Variants in ENTREP2 observed in about 807,000 individuals in gnomAD.
ENTREP2 encodes the protein endosomal transmembrane epsin interactor 2, also known as protein ENTREP2.
the ENTREP2 span, among the ~76,000 whole-genome samples, chr15:29,448,075 CA>C: frequency 4.9e-4 from 70 of 144,080 alleles, no homozygotes; most frequent in Non-Finnish European, 5.2e-4. Context: ...CTCTCTGTCT[CA>C]AAAAAAAAAG....
At chr15:29,659,298 G>A in the ENTREP2 span, among the ~76,000 whole-genome samples, 127 of 152,106 alleles carry the variant, frequency 8.3e-4, no homozygotes, top group Non-Finnish European at 1.6e-3. Flanking sequence ...GTGAAACCCC[G>A]TCTCTACTGA....
chr15:29,577,349 T>TGTGTGTGTGTGA, the ENTREP2 span, among the ~76,000 whole-genome samples: 763 of 144,358 alleles, frequency 5.3e-3, 6 homozygotes, highest in African/African-American at 9.1e-3. Context: ...TGTGTGTGTG[T>TGTGTGTGTGTGA]GAGAGAGAGA....
At chr15:29,354,485 A>C in the ENTREP2 span, among the ~76,000 whole-genome samples, 1 of 152,248 alleles carries the variant, frequency 6.6e-6, no homozygotes, top group Admixed American at 6.5e-5. Context: ...GTGTACACAC[A>C]TTCACAGCTC....
chr15:29,545,877 T>C, the ENTREP2 span, among the ~76,000 whole-genome samples: 2 of 152,232 alleles, frequency 1.3e-5, no homozygotes, highest in Non-Finnish European at 2.9e-5. Context: ...CAATGTTTAA[T>C]GTTTAAGATT....
At chr15:29,663,630 G>A in the ENTREP2 span, among the ~76,000 whole-genome samples, 4 of 152,036 alleles carry the variant, frequency 2.6e-5, no homozygotes, top group South Asian at 2.1e-4. Flanking sequence ...ACCAAACACC[G>A]CATGTTCTCA....
At chr15:29,129,126 C>T in the ENTREP2 span, among the ~76,000 whole-genome samples, 13 of 152,306 alleles carry the variant, frequency 8.5e-5, no homozygotes, top group East Asian at 1.2e-3. Context: ...TGCAATGGCA[C>T]GATCTCAGCT....
the ENTREP2 span, among the ~76,000 whole-genome samples, chr15:29,472,450 C>CACACAA: frequency 6.7e-6 from 1 of 149,292 alleles, no homozygotes; most frequent in Non-Finnish European, 1.5e-5. Flanking sequence ...CACACACACA[C>CACACAA]ACACACACAC....
chr15:29,329,334 G>GCCTGGGTGA, the ENTREP2 span, among the ~76,000 whole-genome samples: 4 of 150,906 alleles, frequency 2.7e-5, no homozygotes, highest in African/African-American at 9.8e-5. Context: ...CTGCACTCCA[G>GCCTGGGTGA]CCTGGGTGAC....
the ENTREP2 span, chr15:29,269,301 C>T: frequency 6.2e-7 from 1 of 1,614,190 alleles, no homozygotes; most frequent in Non-Finnish European, 8.5e-7. Context: ...CGAAGACGTA[C>T]TGGAGGCGCT....
the ENTREP2 span, among the ~76,000 whole-genome samples, chr15:29,350,415 C>G: frequency 1.3e-5 from 2 of 152,082 alleles, no homozygotes; most frequent in Non-Finnish European, 1.5e-5. Flanking sequence ...ACTTATAACT[C>G]TTTTCAAAGA....
the ENTREP2 span, among the ~76,000 whole-genome samples, chr15:29,621,386 G>A: frequency 6.6e-6 from 1 of 151,548 alleles, no homozygotes; most frequent in East Asian, 1.9e-4. Flanking sequence ...AGCCAGGCGT[G>A]GTGGCGGGCG....
the ENTREP2 span, among the ~76,000 whole-genome samples, chr15:29,371,911 A>AATAGATAGATAGATAGATAG: frequency 3.3e-5 from 5 of 149,498 alleles, no homozygotes; most frequent in Admixed American, 6.7e-5. Flanking sequence ...AAAATAAATA[A>AATAGATAGATAGATAGATAG]ATAGATAGAT....
At chr15:29,641,797 A>G in the ENTREP2 span, among the ~76,000 whole-genome samples, 26 of 149,176 alleles carry the variant, frequency 1.7e-4, no homozygotes, top group Admixed American at 1.8e-3. Context: ...GCGCCACTGC[A>G]CTCCACCCTG....
chr15:29,198,041 G>C, the ENTREP2 span, among the ~76,000 whole-genome samples: 14 of 152,150 alleles, frequency 9.2e-5, no homozygotes, highest in African/African-American at 3.4e-4. Flanking sequence ...TACTGGGGGA[G>C]GGGTAATGGA....
chr15:29,314,899 A>G, the ENTREP2 span, among the ~76,000 whole-genome samples: 1 of 152,114 alleles, frequency 6.6e-6, no homozygotes, highest in Non-Finnish European at 1.5e-5. Context: ...CAAAAATACA[A>G]AAATTAGCCA....
the ENTREP2 span, among the ~76,000 whole-genome samples, chr15:29,412,135 C>A: frequency 4.0e-5 from 6 of 151,712 alleles, no homozygotes; most frequent in Admixed American, 3.9e-4. Context: ...TTAATGAAAT[C>A]AATTGAATCT....
chr15:29,129,850 C>CTCCCATGCA, the ENTREP2 span, among the ~76,000 whole-genome samples: 206 of 152,196 alleles, frequency 1.4e-3, 1 homozygote, highest in Middle Eastern at 6.8e-3. Context: ...TGCATGAGCA[C>CTCCCATGCA]CCCCATGCAC....
At chr15:29,136,516 T>A in the ENTREP2 span, 1 of 1,546,216 alleles carries the variant, frequency 6.5e-7, no homozygotes, top group East Asian at 2.5e-5. Context: ...AAAGACAGAA[T>A]CATCACATCG....
At chr15:29,305,753 T>C in the ENTREP2 span, among the ~76,000 whole-genome samples, 3 of 152,148 alleles carry the variant, frequency 2.0e-5, no homozygotes, top group Non-Finnish European at 4.4e-5. Context: ...CTACCAGACA[T>C]CCATATGGAG....
Sources: allele counts gnomAD v4.1 joint callset (sites outside exome capture counted in the v4.1 genomes callset), GRCh38; gene constraint gnomAD v4.1.1; transcripts MANE v1.5; gene names NCBI Gene and HGNC (gene_info 2026-07-23, HGNC 2026-07-21).